The following CHLSN variants were observed in gnomAD, a reference collection of about 807,000 sequenced individuals.
The protein encoded by CHLSN is cholesin, also known as protein cholesin.
the CHLSN span, chr7:984,417 A>G: frequency 6.5e-6 from 10 of 1,547,536 alleles, no homozygotes; most frequent in African/African-American, 1.2e-4. Context: ...GCCAGCTCTC[A>G]GAACGCTACG....
At chr7:1,106,999 G>A in the CHLSN span, among the ~76,000 whole-genome samples, 5,134 of 152,240 alleles carry the variant, frequency 0.034, 281 homozygotes, top group African/African-American at 0.12. Flanking sequence ...ACGGGGAAGC[G>A]CAGCCCTGCC....
chr7:1,021,666 A>AC, the CHLSN span: 1 of 776,172 alleles, frequency 1.3e-6, no homozygotes, highest in African/African-American at 1.9e-5. Flanking sequence ...CCCTCTGGGA[A>AC]CCCCGGCAGG....
chr7:1,097,997 T>C, the CHLSN span, among the ~76,000 whole-genome samples: 1 of 152,096 alleles, frequency 6.6e-6, no homozygotes, highest in African/African-American at 2.4e-5. This position sits in a 1 kb window ranked among gnomAD's most constrained non-coding sequence, Gnocchi z 4.3. Flanking sequence ...GGATCCTAGA[T>C]GGGTGCTCTA....
the CHLSN span, among the ~76,000 whole-genome samples, chr7:1,070,827 A>ACGTGCG: frequency 1.5e-4 from 21 of 143,086 alleles, no homozygotes; most frequent in South Asian, 1.5e-3. Flanking sequence ...ACACGTGCAC[A>ACGTGCG]CATATACACA....
At chr7:1,057,498 G>A in the CHLSN span, 9 of 754,986 alleles carry the variant, frequency 1.2e-5, no homozygotes, top group Admixed American at 1.7e-5. Flanking sequence ...GCAGGGTCGC[G>A]GAGCCTCGCC....
At chr7:1,010,029 G>A in the CHLSN span, 2 of 1,608,750 alleles carry the variant, frequency 1.2e-6, no homozygotes, top group Non-Finnish European at 1.7e-6. Flanking sequence ...GCCTCCCGCA[G>A]ACGCTGCCTC....
At chr7:1,112,403 C>T in the CHLSN span, among the ~76,000 whole-genome samples, 1 of 152,236 alleles carries the variant, frequency 6.6e-6, no homozygotes, top group South Asian at 2.1e-4. Flanking sequence ...CACCTGCTCA[C>T]TCTGAGAGAC....
At chr7:1,010,222 C>T in the CHLSN span, 1 of 1,342,390 alleles carries the variant, frequency 7.4e-7, no homozygotes. Flanking sequence ...CTTCCCGAGC[C>T]CACCCTCACC....
At chr7:1,023,656 CA>C in the CHLSN span, among the ~76,000 whole-genome samples, 158 of 150,362 alleles carry the variant, frequency 1.1e-3, no homozygotes, top group South Asian at 3.4e-3. The surrounding 1 kb of genome is among the most constrained non-coding windows in gnomAD (Gnocchi z 5.0). Flanking sequence ...CACACACACA[CA>C]CACACACACA....
At chr7:1,021,127 C>G in the CHLSN span, among the ~76,000 whole-genome samples, 1 of 151,810 alleles carries the variant, frequency 6.6e-6, no homozygotes, top group Non-Finnish European at 1.5e-5. Flanking sequence ...TTGGGAACCT[C>G]CAGGCTGGAG....
chr7:1,048,189 C>A, the CHLSN span, among the ~76,000 whole-genome samples: 1 of 152,184 alleles, frequency 6.6e-6, no homozygotes, highest in African/African-American at 2.4e-5. Flanking sequence ...GATCAACATC[C>A]GCAAAAGACA....
At chr7:1,123,849 C>T in the CHLSN span, among the ~76,000 whole-genome samples, 7 of 152,180 alleles carry the variant, frequency 4.6e-5, no homozygotes, top group South Asian at 1.0e-3. The surrounding 1 kb of genome is among the most constrained non-coding windows in gnomAD (Gnocchi z 4.4). Context: ...AACGTGCTGC[C>T]GACCCCTGCT....
the CHLSN span, among the ~76,000 whole-genome samples, chr7:1,000,055 G>A: frequency 6.6e-6 from 1 of 152,186 alleles, no homozygotes; most frequent in Non-Finnish European, 1.5e-5. Flanking sequence ...ACGTGCAGGT[G>A]GCCTCCCTAA....
At chr7:1,100,495 G>C in the CHLSN span, among the ~76,000 whole-genome samples, 1 of 152,244 alleles carries the variant, frequency 6.6e-6, no homozygotes, top group Non-Finnish European at 1.5e-5. Flanking sequence ...TTCTGTCTGA[G>C]CCTGGGGAGG....
the CHLSN span, among the ~76,000 whole-genome samples, chr7:1,098,109 T>C: frequency 6.6e-6 from 1 of 152,096 alleles, no homozygotes; most frequent in Non-Finnish European, 1.5e-5. Context: ...TTTCCCGAGA[T>C]GGGCAACAAT....
At chr7:1,129,975 CA>C in the CHLSN span, among the ~76,000 whole-genome samples, 17 of 152,198 alleles carry the variant, frequency 1.1e-4, no homozygotes, top group African/African-American at 4.1e-4. Context: ...TGCTCCCCAT[CA>C]ACTAGCAAAG....
At chr7:993,586 G>A in the CHLSN span, among the ~76,000 whole-genome samples, 1 of 152,122 alleles carries the variant, frequency 6.6e-6, no homozygotes, top group Non-Finnish European at 1.5e-5. Context: ...ACCAGCCTGG[G>A]CAACACAGTG....
chr7:1,061,477 C>T, the CHLSN span, among the ~76,000 whole-genome samples: 1 of 152,106 alleles, frequency 6.6e-6, no homozygotes, highest in Non-Finnish European at 1.5e-5. Flanking sequence ...CTCCACTGAG[C>T]GCCAAGGCCT....
At chr7:986,656 G>C in the CHLSN span, 13 of 1,612,696 alleles carry the variant, frequency 8.1e-6, no homozygotes, top group Non-Finnish European at 1.1e-5. Context: ...TCGGGGCCCT[G>C]CTCCAGCTGC....
Sources: gnomAD v4.1 joint callset for allele counts (sites outside exome capture counted in the v4.1 genomes callset) on GRCh38, gnomAD v4.1.1 for gene constraint, Gnocchi (gnomAD v3.1) non-coding constraint, MANE v1.5 for transcripts, NCBI Gene and HGNC (gene_info 2026-07-23, HGNC 2026-07-21) for gene names.